RABGAP1L: variants seen among roughly 807,000 people sequenced by gnomAD.
RABGAP1L encodes the protein RAB GTPase activating protein 1 like.
RABGAP1L carries 63 observed loss-of-function variants against 137.7 expected under a neutral mutation model. That is an observed-to-expected ratio of 0.46 (90% confidence interval 0.37 to 0.56). RABGAP1L has a LOEUF of 0.56. Among genes scored for constraint, RABGAP1L ranks in the 20% least tolerant of loss-of-function variants. The probability of loss-of-function intolerance (pLI) is 0.00; values close to 1 mark genes in which losing one functional copy is unlikely to be tolerated. For missense variants in RABGAP1L, 1,095 were observed against 1,244.0 expected (o/e 0.88, Z 1.80); for synonymous variants, 431 against 433.7 (o/e 0.99, Z 0.08).
intron 11 of RABGAP1L, among the ~76,000 whole-genome samples, chr1:174,315,426 G>T (rs1299345174): frequency 6.6e-6 from 1 of 152,042 alleles, no homozygotes. Context: ...CAGATCAATG[G>T]GTTTTGCTTT....
At chr1:174,498,499 T>A (rs1660947200) in intron 13 of RABGAP1L, among the ~76,000 whole-genome samples, 1 of 151,992 alleles carries the variant, frequency 6.6e-6, no homozygotes, top group Admixed American at 6.6e-5. Context: ...TTTTATTTTT[T>A]ATTTTTTATT....
intron 13 of RABGAP1L, among the ~76,000 whole-genome samples, chr1:174,430,035 T>G (rs1483268812): frequency 1.3e-5 from 2 of 152,220 alleles, no homozygotes; most frequent in Non-Finnish European, 2.9e-5. Flanking sequence ...AAAATTGTAT[T>G]TCCCAATAAG....
At chr1:174,752,387 T>C (rs754920398) in intron 18 of RABGAP1L, 33 bp downstream of exon 18, 5 of 1,453,832 alleles carry the variant, frequency 3.4e-6, no homozygotes, top group Non-Finnish European at 4.7e-6. Context: ...AGTTACCACA[T>C]TCTCTTACCT....
chr1:174,192,950 A>G (rs955660427), intron 1 of RABGAP1L, among the ~76,000 whole-genome samples: 2 of 152,194 alleles, frequency 1.3e-5, no homozygotes, highest in African/African-American at 4.8e-5. Flanking sequence ...TCTGGACTGA[A>G]TTATGTATTT....
intron 13 of RABGAP1L, among the ~76,000 whole-genome samples, chr1:174,483,566 C>A (rs2149336140): frequency 6.6e-6 from 1 of 152,186 alleles, no homozygotes; most frequent in South Asian, 2.1e-4. Flanking sequence ...GCTTTCAAAT[C>A]TTGGCTATTT....
chr1:174,614,092 C>T (rs1232810646), intron 13 of RABGAP1L, among the ~76,000 whole-genome samples: 2 of 152,068 alleles, frequency 1.3e-5, no homozygotes, highest in Non-Finnish European at 2.9e-5. Flanking sequence ...GAATTTGATC[C>T]TGTCATTATG....
chr1:174,616,196 G>C (rs1671840715), intron 13 of RABGAP1L, among the ~76,000 whole-genome samples: 1 of 152,224 alleles, frequency 6.6e-6, no homozygotes. Context: ...TGTAGACAGA[G>C]CTGTTCCTAT....
At chr1:174,632,707 C>A (rs953943542) in intron 13 of RABGAP1L, among the ~76,000 whole-genome samples, 13 of 147,762 alleles carry the variant, frequency 8.8e-5, no homozygotes, top group Non-Finnish European at 1.6e-4. Flanking sequence ...CTTCTGCATT[C>A]TTCACGTAGT....
chr1:174,789,580 T>C (rs1166584495), intron 18 of RABGAP1L, among the ~76,000 whole-genome samples: 2 of 151,902 alleles, frequency 1.3e-5, no homozygotes, highest in Non-Finnish European at 2.9e-5. Context: ...TACATGGGAG[T>C]GACTCAGTTC....
At chr1:174,276,727 G>A (rs1440248006) in intron 9 of RABGAP1L, among the ~76,000 whole-genome samples, 3 of 151,836 alleles carry the variant, frequency 2.0e-5, no homozygotes, top group Admixed American at 2.0e-4. Context: ...TTTTTTCTTA[G>A]TTTTTTAACT....
intron 18 of RABGAP1L, among the ~76,000 whole-genome samples, chr1:174,795,646 GCCT>G (rs1688190793): frequency 6.6e-6 from 1 of 152,174 alleles, no homozygotes; most frequent in South Asian, 2.1e-4. Context: ...GCTCATTGCA[GCCT>G]TGGCTTTCCA....
intron 12 of RABGAP1L, among the ~76,000 whole-genome samples, chr1:174,374,310 C>G (rs1685340792): frequency 6.6e-6 from 1 of 152,112 alleles, no homozygotes; most frequent in Non-Finnish European, 1.5e-5. Flanking sequence ...GTTTATTTGT[C>G]CCTGATTCTC....
chr1:174,822,769 G>C (rs115245926), intron 19 of RABGAP1L, among the ~76,000 whole-genome samples: 147 of 152,298 alleles, frequency 9.7e-4, no homozygotes, highest in African/African-American at 3.4e-3. Flanking sequence ...TGTGTGGCCC[G>C]GTTCCTAATG....
intron 14 of RABGAP1L, among the ~76,000 whole-genome samples, chr1:174,680,896 C>CA (rs778205655): frequency 1.5e-4 from 22 of 151,382 alleles, no homozygotes; most frequent in Non-Finnish European, 2.5e-4. Context: ...CCAAAAAAAA[C>CA]AAAAAACAAA....
At chr1:174,455,675 C>T (rs1655963362) in intron 13 of RABGAP1L, among the ~76,000 whole-genome samples, 1 of 152,010 alleles carries the variant, frequency 6.6e-6, no homozygotes, top group African/African-American at 2.4e-5. Flanking sequence ...ATAACATCTT[C>T]ACAATTATTC....
rs537750971 is a variant in RABGAP1L at position 174,622,039 on chromosome 1, C to T, written c.1711-15336C>T. ...GCAAACAACCCCATCAAAGAGTGGGCGAAGGATATGAATAGACAGTTCTCA... is the reference window on the plus strand; with the variant it reads ...GCAAACAACCCCATCAAAGAGTGGGTGAAGGATATGAATAGACAGTTCTCA... On this transcript the variant is annotated intron_variant, in intron 13 of 25. Coordinates refer to ENST00000681986, the MANE Select transcript of RABGAP1L (RefSeq NM_001366446.1). Among the ~76,000 whole-genome samples, 110 of 152,162 alleles carry T rather than the reference C, an allele frequency of 7.2e-4. 2 individuals are homozygous for T. The South Asian group carries it at 0.021, about 28-fold the overall frequency.
chr1:174,330,411 C>T (rs1571251399), intron 11 of RABGAP1L, among the ~76,000 whole-genome samples: 1 of 152,032 alleles, frequency 6.6e-6, no homozygotes, highest in Non-Finnish European at 1.5e-5. Flanking sequence ...GAGACGTTGT[C>T]TCTACCAAAA....
intron 19 of RABGAP1L, among the ~76,000 whole-genome samples, chr1:174,898,211 A>T (rs1657560191): frequency 6.6e-6 from 1 of 152,160 alleles, no homozygotes; most frequent in Non-Finnish European, 1.5e-5. Flanking sequence ...TGATAGTTTG[A>T]TGAGGTAAGT....
intron 11 of RABGAP1L, among the ~76,000 whole-genome samples, chr1:174,354,183 T>G (rs1310327130): frequency 6.6e-6 from 1 of 152,096 alleles, no homozygotes; most frequent in Non-Finnish European, 1.5e-5. Context: ...TTTCATCCAT[T>G]AGTTACGTTT....
Sources: allele counts gnomAD v4.1 joint callset (sites outside exome capture counted in the v4.1 genomes callset), GRCh38; gene constraint gnomAD v4.1.1; transcripts MANE v1.5; gene names NCBI Gene and HGNC (gene_info 2026-07-23, HGNC 2026-07-21).